Variants in RCL1 observed in about 807,000 individuals in gnomAD.
RCL1 encodes the protein RNA terminal phosphate cyclase like 1.
Under a neutral mutation model 42.4 loss-of-function variants are expected in RCL1, and 24 were observed. The observed-to-expected ratio is 0.57, with a 90% CI of 0.41 to 0.80. The LOEUF is 0.80. RCL1 is among the 30% of genes least tolerant of loss of function. The pLI, the probability that RCL1 is intolerant of heterozygous loss-of-function variation, is 0.00. For missense variants in RCL1, 578 were observed against 467.9 expected, an observed-to-expected ratio of 1.24 and a Z score of -2.17; for synonymous variants, 228 against 177.3, an observed-to-expected ratio of 1.29 and a Z score of -2.27.
At chr9:4,841,451 C>G in intron 6 of RCL1, 94 bp downstream of exon 6, 1 of 949,264 alleles carries the variant, frequency 1.1e-6, no homozygotes, top group Admixed American at 2.1e-5. Flanking sequence ...GTTGCGCAGC[C>G]AGAGGAAGAA....
intron 1 of RCL1, 87 bp from the exon 2 acceptor site, chr9:4,823,461 C>A: frequency 9.8e-7 from 1 of 1,017,862 alleles, no homozygotes; most frequent in Admixed American, 2.1e-5. Flanking sequence ...ACCACAGTAC[C>A]TGAATCAGGC....
intron 7 of RCL1, among the ~76,000 whole-genome samples, chr9:4,846,900 T>TCTTTTTTCTTTTTTC (rs1554641966): frequency 7.0e-6 from 1 of 143,476 alleles, no homozygotes; most frequent in East Asian, 2.1e-4. Flanking sequence ...TTTTCTTTTT[T>TCTTTTTTCTTTTTTC]TTTTTGAGGA....
intron 8 of RCL1, among the ~76,000 whole-genome samples, chr9:4,856,674 GC>G (rs1277100203): frequency 6.6e-6 from 1 of 152,198 alleles, no homozygotes; most frequent in African/African-American, 2.4e-5. Context: ...GGGTTTATGG[GC>G]TAGGAAAGAC....
intron 3 of RCL1, chr9:4,827,246 A>C: frequency 6.7e-7 from 1 of 1,485,744 alleles, no homozygotes; most frequent in South Asian, 1.4e-5. Context: ...ACAGTTACCA[A>C]GGTGCCTTTT....
intron 1 of RCL1, among the ~76,000 whole-genome samples, chr9:4,819,945 C>T (rs186512875): frequency 2.0e-5 from 3 of 152,110 alleles, no homozygotes; most frequent in Non-Finnish European, 4.4e-5. Flanking sequence ...CATAAGAGAT[C>T]GTAAAATGAA....
intron 7 of RCL1, among the ~76,000 whole-genome samples, chr9:4,846,695 C>A (rs7023960): frequency 6.6e-6 from 1 of 152,074 alleles, no homozygotes; most frequent in South Asian, 2.1e-4. Flanking sequence ...ACTATGGGGA[C>A]ACTTCCATGT....
chr9:4,795,765 G>C (rs756132492), intron 1 of RCL1, among the ~76,000 whole-genome samples: 2 of 152,298 alleles, frequency 1.3e-5, no homozygotes, highest in Middle Eastern at 6.8e-3. Context: ...AGTATGGGAG[G>C]CTTTCGGCCT....
intron 5 of RCL1, among the ~76,000 whole-genome samples, chr9:4,841,000 C>T (rs1817298625): frequency 6.6e-6 from 1 of 152,026 alleles, no homozygotes; most frequent in South Asian, 2.1e-4. Context: ...GGTTGAGGAC[C>T]TCCAGCTTTA....
intron 8 of RCL1, among the ~76,000 whole-genome samples, chr9:4,851,794 C>T (rs1439436735): frequency 6.7e-6 from 1 of 149,022 alleles, no homozygotes; most frequent in Admixed American, 6.7e-5. Context: ...GTGTATAAAA[C>T]AGCTTTTTAA....
chr9:4,796,434 C>T (rs1013198009), intron 1 of RCL1, among the ~76,000 whole-genome samples: 2 of 152,182 alleles, frequency 1.3e-5, no homozygotes, highest in Non-Finnish European at 2.9e-5. Flanking sequence ...GACAGAGTCT[C>T]ACTCTGTCAT....
At chr9:4,801,781 A>T (rs1185034094) in intron 1 of RCL1, among the ~76,000 whole-genome samples, 2 of 146,050 alleles carry the variant, frequency 1.4e-5, no homozygotes, top group African/African-American at 5.1e-5. Context: ...TTGAAACGGC[A>T]TCTTTTTTCC....
intron 5 of RCL1, among the ~76,000 whole-genome samples, chr9:4,838,653 C>A (rs180864371): frequency 1.4e-4 from 22 of 152,052 alleles, no homozygotes; most frequent in Non-Finnish European, 2.8e-4. Flanking sequence ...AGTGGGAGTC[C>A]CATATGGACT....
At chr9:4,841,398 T>A in intron 6 of RCL1, 41 bp downstream of exon 6, 1 of 1,538,050 alleles carries the variant, frequency 6.5e-7, no homozygotes, top group South Asian at 1.1e-5. Context: ...TGCAGCTTTT[T>A]CACATGCCTG....
chr9:4,798,898 A>G (rs531751750), intron 1 of RCL1, among the ~76,000 whole-genome samples: 225 of 145,102 alleles, frequency 1.6e-3, no homozygotes, highest in African/African-American at 5.5e-3. Context: ...TTTTTTTTTT[A>G]AAGGCAAATG....
rs958001274 is a variant in RCL1, at chr9:4,828,058, C to T, written c.384+1025C>T. ...AAAATTAGCCAGGCATGGTGGCGGG[C>T]GCCTGTAGTGCCAGCTACTCGGGAG... On this transcript the variant is annotated intron_variant, in intron 3 of 8. Coordinates refer to ENST00000381750, the MANE Select transcript of RCL1 (RefSeq NM_005772.5). 1.4e-4 allele frequency among the ~76,000 whole-genome samples: 21 copies of T among 151,050 alleles called. No individual in the cohort carries two copies. In the South Asian group the frequency reaches 3.6e-3, roughly 26 times the overall value.
intron 8 of RCL1, among the ~76,000 whole-genome samples, chr9:4,857,662 C>T (rs841968): frequency 0.91 from 138,766 of 152,248 alleles, 63,423 homozygotes; most frequent in East Asian, 1. Flanking sequence ...GGTAACTCCC[C>T]GGTTAACATT....
At chr9:4,815,861 A>T (rs1474091700) in intron 1 of RCL1, among the ~76,000 whole-genome samples, 1 of 151,964 alleles carries the variant, frequency 6.6e-6, no homozygotes. Flanking sequence ...ATTGATAGGG[A>T]TCGCTAGGAT....
rs139078881 is a variant in RCL1 at position 4,800,065 on chromosome 9, G to C, written c.136+6838G>C. 2.0e-3 allele frequency among the ~76,000 whole-genome samples: 308 copies of C among 152,264 alleles called. 2 individuals are homozygous for C. The highest frequency in any genetic ancestry group is 7.1e-3 in the African/African-American group (293 of 41,544). On this transcript the variant is annotated intron_variant, in intron 1 of 8. Transcript: ENST00000381750. ...GATTTATCTAAGATGTTTTTATCAA[G>C]TTTGTTCCCTTTTGTTGCTGAGTAG... is the stretch of plus-strand genomic sequence containing the variant.
intron 1 of RCL1, among the ~76,000 whole-genome samples, chr9:4,801,673 A>G (rs1204414964): frequency 6.7e-6 from 1 of 150,362 alleles, no homozygotes; most frequent in African/African-American, 2.4e-5. Context: ...TGTTAAGTCT[A>G]AGAACTCTTT....
Sources: allele counts gnomAD v4.1 joint callset (sites outside exome capture counted in the v4.1 genomes callset), GRCh38; gene constraint gnomAD v4.1.1; transcripts MANE v1.5; gene names NCBI Gene and HGNC (gene_info 2026-07-23, HGNC 2026-07-21).